Variants in MORC1 observed in about 807,000 individuals in gnomAD.
MORC1 encodes MORC family CW-type zinc finger protein 1.
A neutral mutation model predicts 134.9 loss-of-function variants in MORC1; 59 were observed. The ratio of observed to expected loss-of-function variants is 0.44; its 90% confidence interval spans 0.35 to 0.54. MORC1 has a LOEUF of 0.54. Among genes scored for constraint, MORC1 ranks in the 20% least tolerant of loss-of-function variants. The probability of loss-of-function intolerance (pLI) is 0.00; values close to 1 mark genes in which losing one functional copy is unlikely to be tolerated. For synonymous variants in MORC1, 395 were observed against 391.7 expected (o/e 1.01, Z -0.10); for missense variants, 947 against 1,134.5 (o/e 0.83, Z 2.37).
At chr3:109,040,431 A>AGAAGGAAG (rs1949496841) in intron 14 of MORC1, among the ~76,000 whole-genome samples, 1 of 20,888 alleles carries the variant, frequency 4.8e-5, no homozygotes, top group Admixed American at 6.5e-4. Context: ...AAGGAAGGAA[A>AGAAGGAAG]GAAAGAAAGA....
At chr3:109,045,279 T>C (rs902331185) in intron 14 of MORC1, among the ~76,000 whole-genome samples, 4 of 152,164 alleles carry the variant, frequency 2.6e-5, no homozygotes, top group African/African-American at 9.7e-5. Flanking sequence ...AACAGTTAAA[T>C]CACTCTTCCT....
chr3:108,962,515 C>T (rs200214180), intron 27 of MORC1, among the ~76,000 whole-genome samples: 80 of 152,192 alleles, frequency 5.3e-4, no homozygotes, highest in African/African-American at 1.9e-3. Context: ...AATCCTCTAG[C>T]CAATCCTCCA....
chr3:108,988,414 C>A (rs1296375798), intron 21 of MORC1, among the ~76,000 whole-genome samples: 1 of 152,014 alleles, frequency 6.6e-6, no homozygotes, highest in Non-Finnish European at 1.5e-5. Context: ...TTTAAAGATT[C>A]ATTTTGAAAA....
intron 4 of MORC1, 78 bp downstream of exon 4, chr3:109,103,771 T>C (rs992538396): frequency 8.3e-6 from 11 of 1,321,204 alleles, no homozygotes; most frequent in South Asian, 2.4e-5. Context: ...TTTGCATAGA[T>C]AGCTCAATTT....
At chr3:109,057,082 C>T (rs1576688593) in intron 13 of MORC1, among the ~76,000 whole-genome samples, 2 of 152,128 alleles carry the variant, frequency 1.3e-5, no homozygotes, top group Non-Finnish European at 2.9e-5. Flanking sequence ...AGAGGTGGCA[C>T]AAGGAATGGC....
chr3:109,073,760 G>A (rs1001914972), intron 8 of MORC1, among the ~76,000 whole-genome samples: 3 of 152,108 alleles, frequency 2.0e-5, no homozygotes, highest in African/African-American at 7.2e-5. Flanking sequence ...AAGACTTTTT[G>A]AAGTTGAAAT....
At chr3:109,024,196 TG>T (rs1384973926) in intron 17 of MORC1, among the ~76,000 whole-genome samples, 3 of 152,226 alleles carry the variant, frequency 2.0e-5, no homozygotes, top group Admixed American at 2.0e-4. Context: ...ATGTCCTTTT[TG>T]TCTGTATTTT....
At chr3:109,024,037 C>A (rs1371910113) in intron 17 of MORC1, among the ~76,000 whole-genome samples, 1 of 152,224 alleles carries the variant, frequency 6.6e-6, no homozygotes, top group Non-Finnish European at 1.5e-5. Context: ...TTATCAATTA[C>A]ATGGAGGACA....
At chr3:108,963,663 T>C in intron 26 of MORC1, 55 bp from the exon 27 acceptor site, 1 of 1,148,532 alleles carries the variant, frequency 8.7e-7, no homozygotes, top group Non-Finnish European at 1.2e-6. Context: ...ACTTTCCCTC[T>C]AATATCACTA....
chr3:108,975,026 T>C (rs2107415761), intron 24 of MORC1, among the ~76,000 whole-genome samples: 1 of 152,346 alleles, frequency 6.6e-6, no homozygotes, highest in Middle Eastern at 3.4e-3. Flanking sequence ...TCCATAGTCA[T>C]ATTCCTTTCT....
chr3:109,009,315 C>A (rs535307516), intron 17 of MORC1, among the ~76,000 whole-genome samples: 16 of 151,592 alleles, frequency 1.1e-4, no homozygotes, highest in African/African-American at 3.9e-4. Flanking sequence ...GAGTGATCCT[C>A]CTGCCTCAGC....
intron 9 of MORC1, among the ~76,000 whole-genome samples, chr3:109,065,547 G>C (rs1429895898): frequency 6.6e-6 from 1 of 152,028 alleles, no homozygotes; most frequent in African/African-American, 2.4e-5. Context: ...CAAAAGTGAT[G>C]GTCTGTCACT....
intron 17 of MORC1, among the ~76,000 whole-genome samples, chr3:109,018,362 G>C (rs866565583): frequency 1.3e-5 from 2 of 152,062 alleles, no homozygotes; most frequent in South Asian, 2.1e-4. Flanking sequence ...TTTGCCTCCA[G>C]AGACATTTAC....
At chr3:109,117,946 T>G (rs542969947) in intron 1 of MORC1, 49 bp downstream of exon 1, 1 of 1,463,548 alleles carries the variant, frequency 6.8e-7, no homozygotes. Context: ...CCTTTCTTCA[T>G]GGCGGGCGCA....
intron 21 of MORC1, among the ~76,000 whole-genome samples, chr3:108,987,233 A>G (rs1036832407): frequency 3.3e-5 from 5 of 152,186 alleles, no homozygotes; most frequent in African/African-American, 1.2e-4. Context: ...TTAAAAATTG[A>G]TATTACACAT....
intron 11 of MORC1, among the ~76,000 whole-genome samples, chr3:109,060,386 T>A (rs1216369107): frequency 6.6e-6 from 1 of 151,838 alleles, no homozygotes; most frequent in Admixed American, 6.6e-5. Context: ...CCATGCCCAG[T>A]TACCTTTCTT....
intron 23 of MORC1, 103 bp from the exon 24 acceptor site, chr3:108,979,770 A>C: frequency 7.4e-7 from 1 of 1,356,384 alleles, no homozygotes; most frequent in Non-Finnish European, 1.0e-6. Flanking sequence ...ACAAATGAGA[A>C]CAAGAACATG....
At chr3:109,040,427 G>GAAA (rs1949494378) in intron 14 of MORC1, among the ~76,000 whole-genome samples, 2 of 48,392 alleles carry the variant, frequency 4.1e-5, no homozygotes, top group African/African-American at 6.6e-5. Flanking sequence ...AAGGAAGGAA[G>GAAA]GAAAGAAAGA....
chr3:109,062,108 A>G, intron 10 of MORC1, 50 bp from the exon 11 acceptor site: 3 of 1,524,714 alleles, frequency 2.0e-6, no homozygotes, highest in Non-Finnish European at 2.7e-6. Flanking sequence ...ATTTCAAGCA[A>G]TTTTAAGTGA....
Sources: gnomAD v4.1 joint callset for allele counts (sites outside exome capture counted in the v4.1 genomes callset) on GRCh38, gnomAD v4.1.1 for gene constraint, MANE v1.5 for transcripts, NCBI Gene and HGNC (gene_info 2026-07-23, HGNC 2026-07-21) for gene names.